The following SORCS1 variants were observed in gnomAD, a reference collection of about 807,000 sequenced individuals.
SORCS1 encodes VPS10 domain-containing receptor SorCS1.
SORCS1 carries 60 observed loss-of-function variants against 146.1 expected under a neutral mutation model. The observed-to-expected ratio is 0.41, with a 90% CI of 0.33 to 0.51. SORCS1 has a LOEUF of 0.51. Ranked by LOEUF, SORCS1 falls within the 20% of genes least tolerant of loss-of-function variation. SORCS1 has a pLI of 0.21. For missense variants in SORCS1, 1,352 were observed against 1,487.6 expected, an observed-to-expected ratio of 0.91 and a Z score of 1.50; for synonymous variants, 637 against 584.0, an observed-to-expected ratio of 1.09 and a Z score of -1.31.
At chr10:106,588,672 C>T (rs558328292) in intron 24 of SORCS1, among the ~76,000 whole-genome samples, 60 of 151,334 alleles carry the variant, frequency 4.0e-4, no homozygotes, top group South Asian at 1.0e-3. Context: ...CCATCCTGGC[C>T]AACACGGTGA....
intron 2 of SORCS1, among the ~76,000 whole-genome samples, chr10:106,831,362 G>C (rs958510802): frequency 2.0e-5 from 3 of 152,214 alleles, no homozygotes; most frequent in East Asian, 3.9e-4. Flanking sequence ...CTAAGTGTAA[G>C]GACATAGCAC....
At chr10:106,841,477 TACACAC>T (rs71025563) in intron 2 of SORCS1, among the ~76,000 whole-genome samples, 2 of 150,358 alleles carry the variant, frequency 1.3e-5, no homozygotes, top group African/African-American at 2.4e-5. Context: ...TTCAATAAAA[TACACAC>T]ACACACACAC....
intron 2 of SORCS1, among the ~76,000 whole-genome samples, chr10:106,931,455 G>A (rs1953411979): frequency 6.6e-6 from 1 of 152,160 alleles, no homozygotes; most frequent in Non-Finnish European, 1.5e-5. Flanking sequence ...GGAAGCGGGT[G>A]GGGAAAATAC....
chr10:106,615,136 T>A (rs1163815013), intron 21 of SORCS1, among the ~76,000 whole-genome samples: 33 of 152,204 alleles, frequency 2.2e-4, no homozygotes, highest in Admixed American at 2.2e-3. Flanking sequence ...TTGCTTTTCT[T>A]AGAGTATTCT....
chr10:106,691,091 T>TGTAAGGTC (rs1482807039), intron 9 of SORCS1, among the ~76,000 whole-genome samples: 1 of 152,096 alleles, frequency 6.6e-6, no homozygotes, highest in Non-Finnish European at 1.5e-5. Flanking sequence ...TTTGTGTGAG[T>TGTAAGGTC]GTAAGGTCTG....
chr10:107,093,242 C>T (rs1057180690), intron 1 of SORCS1, among the ~76,000 whole-genome samples: 4 of 152,192 alleles, frequency 2.6e-5, no homozygotes, highest in African/African-American at 9.7e-5. Flanking sequence ...CTTCGATTGA[C>T]CGACAGTGCT....
chr10:106,927,005 C>T (rs1282274640), intron 2 of SORCS1, among the ~76,000 whole-genome samples: 1 of 152,078 alleles, frequency 6.6e-6, no homozygotes, highest in Non-Finnish European at 1.5e-5. Flanking sequence ...TACAATACTA[C>T]ATGGCTCAGA....
At chr10:107,155,972 G>A (rs909107511) in intron 1 of SORCS1, among the ~76,000 whole-genome samples, 19 of 152,178 alleles carry the variant, frequency 1.2e-4, no homozygotes, top group Non-Finnish European at 2.6e-4. Flanking sequence ...AGGATAACAA[G>A]ATGACACACA....
chr10:106,900,413 T>C (rs962891624), intron 2 of SORCS1, among the ~76,000 whole-genome samples: 2 of 152,180 alleles, frequency 1.3e-5, no homozygotes, highest in African/African-American at 4.8e-5. Flanking sequence ...GGCTTTTCTC[T>C]AGTTGCAAGA....
At chr10:106,981,110 T>C (rs1956230931) in intron 1 of SORCS1, among the ~76,000 whole-genome samples, 2 of 151,590 alleles carry the variant, frequency 1.3e-5, no homozygotes, top group African/African-American at 4.9e-5. Context: ...TTTCCAGGAG[T>C]GTAGTGTTAT....
intron 1 of SORCS1, among the ~76,000 whole-genome samples, chr10:107,073,317 A>C (rs2134193463): frequency 6.6e-6 from 1 of 152,288 alleles, no homozygotes; most frequent in South Asian, 2.1e-4. Flanking sequence ...TATGAGATGA[A>C]TCTCCATAGG....
At chr10:106,752,482 T>G (rs1166682822) in intron 5 of SORCS1, among the ~76,000 whole-genome samples, 4 of 152,196 alleles carry the variant, frequency 2.6e-5, no homozygotes, top group Non-Finnish European at 4.4e-5. Context: ...TATTGACAGA[T>G]CCATAGACTT....
intron 1 of SORCS1, among the ~76,000 whole-genome samples, chr10:107,144,015 C>T (rs923302012): frequency 2.6e-5 from 4 of 152,008 alleles, no homozygotes; most frequent in African/African-American, 4.8e-5. Context: ...TCCCATCTTC[C>T]GCTCTGTATT....
chr10:106,602,172 C>G (rs1283666049), intron 23 of SORCS1, among the ~76,000 whole-genome samples: 16 of 152,082 alleles, frequency 1.1e-4, no homozygotes, highest in Admixed American at 1.0e-3. Context: ...TGCAAATGGG[C>G]TTAGACAAAT....
At chr10:106,934,500 C>G (rs1953598678) in intron 2 of SORCS1, among the ~76,000 whole-genome samples, 2 of 152,086 alleles carry the variant, frequency 1.3e-5, no homozygotes, top group Non-Finnish European at 2.9e-5. Context: ...CCCTCGTGAT[C>G]CACCCGCCTT....
intron 1 of SORCS1, among the ~76,000 whole-genome samples, chr10:107,148,807 C>G (rs1228677405): frequency 6.6e-6 from 1 of 152,144 alleles, no homozygotes; most frequent in Non-Finnish European, 1.5e-5. Context: ...TAAACCAAGG[C>G]TTAGGTGATT....
Position 106,744,168 on chromosome 10 carries a change from G to C in SORCS1, c.960-14054C>G, listed in dbSNP as rs535801233. Reference sequence around the variant, plus strand: ...CACCCAGGCTGGAGTGCAGTGGCGCGATCTCAGCTCACTGCAAGCTCCACC... The same window carrying C: ...CACCCAGGCTGGAGTGCAGTGGCGCCATCTCAGCTCACTGCAAGCTCCACC... On this transcript the variant is annotated intron_variant, in intron 5 of 25. Transcript: ENST00000263054. Among the ~76,000 whole-genome samples the C allele has an allele frequency of 9.9e-5, 15 of 152,054 alleles. No homozygotes were observed. In the South Asian group the frequency reaches 3.1e-3, roughly 32 times the overall value.
intron 7 of SORCS1, among the ~76,000 whole-genome samples, chr10:106,707,180 T>C (rs1854593246): frequency 1.7e-5 from 2 of 114,332 alleles, no homozygotes; most frequent in South Asian, 3.3e-4. Flanking sequence ...GTCTCTTCTA[T>C]TTAATTTAAT....
At chr10:106,588,956 T>A (rs952116511) in intron 24 of SORCS1, among the ~76,000 whole-genome samples, 1 of 151,526 alleles carries the variant, frequency 6.6e-6, no homozygotes, top group Non-Finnish European at 1.5e-5. Flanking sequence ...AAAATCTCTA[T>A]CTTTATAAAG....
Sources: gnomAD v4.1 joint callset for allele counts (sites outside exome capture counted in the v4.1 genomes callset) on GRCh38, gnomAD v4.1.1 for gene constraint, MANE v1.5 for transcripts, NCBI Gene and HGNC (gene_info 2026-07-23, HGNC 2026-07-21) for gene names.